FREM1: variants seen among roughly 807,000 people sequenced by gnomAD.
The protein encoded by FREM1 is FRAS1-related extracellular matrix protein 1.
In FREM1, 220 loss-of-function variants were observed where a neutral mutation model predicts 210.1. The observed-to-expected ratio is 1.05, with a 90% CI of 0.94 to 1.17. The LOEUF is 1.17. Among genes scored for constraint, FREM1 ranks in the 50% most tolerant of loss-of-function variants. The probability of loss-of-function intolerance (pLI) is 0.00; values close to 1 mark genes in which losing one functional copy is unlikely to be tolerated. For missense variants in FREM1, 3,454 were observed against 2,675.5 expected, an observed-to-expected ratio of 1.29 and a Z score of -6.42; for synonymous variants, 1,189 against 980.2, an observed-to-expected ratio of 1.21 and a Z score of -3.98.
chr9:14,909,486 C>G (rs146442014), intron 1 of FREM1, among the ~76,000 whole-genome samples: 141 of 152,234 alleles, frequency 9.3e-4, no homozygotes, highest in Middle Eastern at 3.4e-3. Flanking sequence ...GCAAAGGTAT[C>G]CAGACATTAT....
rs139864079 is a variant in FREM1, at chr9:14,869,736, G to T, written c.-267-492C>A. Among the ~76,000 whole-genome samples the T allele has an allele frequency of 4.0e-3, 604 of 152,242 alleles. 4 individuals are homozygous for T. The highest frequency in any genetic ancestry group is 0.014 in the African/African-American group (570 of 41,526). ...AGAAGTTTAATGATTTATCACACTGGGCACACTTCTGACTTTGCTGGGCAA... is the reference window on the plus strand; with the variant it reads ...AGAAGTTTAATGATTTATCACACTGTGCACACTTCTGACTTTGCTGGGCAA... On this transcript the variant is annotated intron_variant, in intron 1 of 36. Coordinates refer to ENST00000380880, the MANE Select transcript of FREM1 (RefSeq NM_001379081.2).
intron 10 of FREM1, among the ~76,000 whole-genome samples, chr9:14,840,236 G>C (rs1280476427): frequency 1.3e-5 from 2 of 152,192 alleles, no homozygotes; most frequent in African/African-American, 4.8e-5. Context: ...TTCTAGAACA[G>C]GTTGGAAATT....
At chr9:14,884,439 C>T (rs1419123813) in intron 1 of FREM1, among the ~76,000 whole-genome samples, 1 of 152,066 alleles carries the variant, frequency 6.6e-6, no homozygotes, top group South Asian at 2.1e-4. Context: ...AGCCAATAAA[C>T]GCCAATAAAG....
At chr9:14,830,057 G>C (rs1276708317) in intron 10 of FREM1, among the ~76,000 whole-genome samples, 1 of 152,164 alleles carries the variant, frequency 6.6e-6, no homozygotes, top group Non-Finnish European at 1.5e-5. Flanking sequence ...CCACAAGTCA[G>C]AGAAGAAAGT....
chr9:14,892,460 G>A (rs939623196), intron 1 of FREM1, among the ~76,000 whole-genome samples: 1 of 152,080 alleles, frequency 6.6e-6, no homozygotes, highest in Admixed American at 6.5e-5. Flanking sequence ...ACCGAACTTG[G>A]GTTTGAGACC....
chr9:14,870,095 T>G (rs555634108), intron 1 of FREM1, among the ~76,000 whole-genome samples: 44 of 152,340 alleles, frequency 2.9e-4, no homozygotes, highest in African/African-American at 9.6e-4. Context: ...CCAGTATAAT[T>G]AGGTGAACAA....
intron 5 of FREM1, 126 bp downstream of exon 5, chr9:14,857,427 G>A (rs1038199144): frequency 2.7e-5 from 22 of 823,134 alleles, no homozygotes; most frequent in Non-Finnish European, 3.7e-5. Flanking sequence ...CCAATGAGTC[G>A]CTGGCAGTTT....
chr9:14,857,817 A>G, intron 4 of FREM1, 68 bp from the exon 5 acceptor site: 1 of 1,131,356 alleles, frequency 8.8e-7, no homozygotes, highest in South Asian at 1.6e-5. Flanking sequence ...AGAAACCAGT[A>G]CTCCGTCCCA....
rs756359267 is a variant in FREM1 at position 14,737,367 on chromosome 9, C to T, written c.*29G>A. 3.8e-6 allele frequency: 6 copies of T among 1,560,854 alleles called. No individual in the cohort carries two copies. The highest frequency in any genetic ancestry group is 5.3e-6 in the Non-Finnish European group (6 of 1,139,436). ...CTGTGAATAAATAGGTGACAAACTC[C>T]AGGTGGCCCCCTGTAGGGTCTGTTA... On this transcript the variant is annotated 3_prime_UTR_variant, in exon 37 of 37. Coordinates refer to ENST00000380880, the MANE Select transcript of FREM1 (RefSeq NM_001379081.2).
chr9:14,795,819 G>A (rs1465623824), intron 21 of FREM1, among the ~76,000 whole-genome samples: 1 of 152,100 alleles, frequency 6.6e-6, no homozygotes, highest in Non-Finnish European at 1.5e-5. Flanking sequence ...CTAATATACT[G>A]TCTGTCCTAT....
chr9:14,760,039 C>T (rs1161006966), intron 27 of FREM1, 138 bp from the exon 28 acceptor site: 2 of 536,998 alleles, frequency 3.7e-6, no homozygotes, highest in Non-Finnish European at 6.3e-6. Context: ...TTATTTGACA[C>T]ATTTTAGTTC....
intron 25 of FREM1, among the ~76,000 whole-genome samples, chr9:14,772,561 AT>A (rs1178827955): frequency 2.6e-5 from 4 of 152,070 alleles, no homozygotes; most frequent in East Asian, 1.9e-4. Context: ...GTTGTCAAGA[AT>A]TTTTTTTCTT....
chr9:14,774,218 T>C (rs1417819523), intron 25 of FREM1: 1 of 507,164 alleles, frequency 2.0e-6, no homozygotes, highest in Non-Finnish European at 3.9e-6. Flanking sequence ...CTTCATTTCA[T>C]GTGTCAACTT....
At chr9:14,809,879 G>GATGTATGTATGT (rs111568448) in intron 16 of FREM1, among the ~76,000 whole-genome samples, 1 of 150,360 alleles carries the variant, frequency 6.7e-6, no homozygotes, top group African/African-American at 2.4e-5. Flanking sequence ...GAATAGCACA[G>GATGTATGTATGT]ATGTATGTAT....
intron 10 of FREM1, among the ~76,000 whole-genome samples, chr9:14,841,212 G>C (rs536733336): frequency 1.3e-5 from 2 of 152,266 alleles, no homozygotes; most frequent in African/African-American, 4.8e-5. Context: ...CTACATAAAA[G>C]GGTCCCATAG....
chr9:14,894,141 A>G (rs1422913269), intron 1 of FREM1, among the ~76,000 whole-genome samples: 1 of 152,256 alleles, frequency 6.6e-6, no homozygotes, highest in Non-Finnish European at 1.5e-5. Context: ...TAAAAATAAT[A>G]CAGAAAGCAT....
chr9:14,892,372 C>A (rs1219990640), intron 1 of FREM1, among the ~76,000 whole-genome samples: 2 of 152,028 alleles, frequency 1.3e-5, no homozygotes, highest in Admixed American at 6.5e-5. Context: ...GGGTTAGAAG[C>A]CCAACTAAGG....
At chr9:14,906,750 G>A (rs1817764952) in intron 1 of FREM1, among the ~76,000 whole-genome samples, 1 of 152,208 alleles carries the variant, frequency 6.6e-6, no homozygotes, top group African/African-American at 2.4e-5. Flanking sequence ...CATATTTTAA[G>A]AGAAGAGTGC....
rs200224078 is a variant in FREM1 at position 14,784,593 on chromosome 9, C to T, written c.4219G>A (p.Gly1407Ser). The T allele has an allele frequency of 6.2e-7, 1 of 1,605,704 alleles. No individual in the cohort carries two copies. Among genetic ancestry groups the T allele is most frequent in the African/African-American group, 1.3e-5 (1 of 74,974 alleles). The stretch of plus-strand genomic sequence containing the variant: ...GTGGTTGTTAAGAAACCTCTATCAC[C>T]TTTAGACACCACGAGTGGTTTTGTA... ...ILTKPLVVSK[G>S]DRGFLTTTTL... is the part of the protein sequence containing the mutation. Residue 1407 changes from glycine to serine, a missense_variant, in exon 24 of 37, where the codon GGT becomes AGT. Coordinates refer to ENST00000380880, the MANE Select transcript of FREM1 (RefSeq NM_001379081.2).
Sources: allele counts gnomAD v4.1 joint callset (sites outside exome capture counted in the v4.1 genomes callset), GRCh38; gene constraint gnomAD v4.1.1; transcripts MANE v1.5; gene names NCBI Gene and HGNC (gene_info 2026-07-23, HGNC 2026-07-21).